The following XIRP2 variants were observed in gnomAD, a reference collection of about 807,000 sequenced individuals.
The protein encoded by XIRP2 is xin actin-binding repeat-containing protein 2.
Under a neutral mutation model 277.0 loss-of-function variants are expected in XIRP2, and 236 were observed. The ratio of observed to expected loss-of-function variants is 0.85; its 90% CI spans 0.77 to 0.95. XIRP2 has a LOEUF of 0.95. Ranked by LOEUF, XIRP2 falls within the 40% of genes least tolerant of loss-of-function variation. XIRP2 has a pLI of 0.00. For synonymous variants in XIRP2, 1,490 were observed against 1,416.5 expected, an observed-to-expected ratio of 1.05 and a Z score of -1.17; for missense variants, 4,640 against 4,157.5, an observed-to-expected ratio of 1.12 and a Z score of -3.19.
chr2:167,064,962 A>G (rs766206893), intron 2 of XIRP2, among the ~76,000 whole-genome samples: 2 of 151,922 alleles, frequency 1.3e-5, no homozygotes, highest in Non-Finnish European at 2.9e-5. Flanking sequence ...TGCTATGAAT[A>G]TGGCTGTACA....
intron 2 of XIRP2, among the ~76,000 whole-genome samples, chr2:166,998,013 G>C (rs190468199): frequency 6.6e-6 from 1 of 151,850 alleles, no homozygotes; most frequent in African/African-American, 2.4e-5. Context: ...TTAAGAAGTA[G>C]AGAGAGATAT....
Position 167,244,396 on chromosome 2 carries a change from AAG to A in XIRP2, c.3006_3007del (p.Lys1002AsnfsTer11). The stretch of plus-strand genomic sequence containing the variant: ...TCCCCTTGGAAAATATCATCAAGTA[AAG>A]ACAGTCCAGCAAGAAGAAATCGTAA... Reference protein sequence around the residue: ...QDPLGKYHQVKTVQQEEIVRG... With the variant: ...QDPLGKYHQVXTVQQEEIVRG... On this transcript the variant is annotated frameshift_variant, in exon 9 of 11. Transcript: ENST00000409195. LOFTEE classifies it high-confidence loss of function. 1 of 1,613,678 alleles carries A rather than the reference AAG, an allele frequency of 6.2e-7. No homozygotes were observed.
Position 167,258,729 on chromosome 2 carries a change from T to C in XIRP2, c.*912T>C, listed in dbSNP as rs750116369. On this transcript the variant is annotated 3_prime_UTR_variant, in exon 11 of 11. Coordinates refer to ENST00000409195, the MANE Select transcript of XIRP2 (RefSeq NM_152381.6). The stretch of plus-strand genomic sequence containing the variant: ...AATTGCAGGCAGAAGACATCTATTT[T>C]AGAATTTCTTGATCTATTACCCTTG... 22 of 1,613,286 alleles carry C rather than the reference T, an allele frequency of 1.4e-5. No individual in the cohort carries two copies. Among genetic ancestry groups the C allele is most frequent in the Non-Finnish European group, 3.4e-6 (4 of 1,179,658 alleles).
intron 2 of XIRP2, among the ~76,000 whole-genome samples, chr2:167,032,151 A>G (rs904105566): frequency 6.6e-6 from 1 of 152,170 alleles, no homozygotes; most frequent in Admixed American, 6.5e-5. Flanking sequence ...ATGACACCAC[A>G]CATCTACAAC....
chr2:167,029,679 T>C (rs1321166084), intron 2 of XIRP2, among the ~76,000 whole-genome samples: 1 of 152,116 alleles, frequency 6.6e-6, no homozygotes, highest in Admixed American at 6.6e-5. Flanking sequence ...TTTGTTGTTG[T>C]GTCTCTACCA....
rs191834676 is a variant in XIRP2, at chr2:167,007,762, A to C, written c.408+103872A>C. ...ACATTAATGAAGCTTGGCAGAGAAAATATTGAATTATCTTTTCAGAATCTA... is the reference window on the plus strand; with the variant it reads ...ACATTAATGAAGCTTGGCAGAGAAACTATTGAATTATCTTTTCAGAATCTA... On this transcript the variant is annotated intron_variant, in intron 2 of 10. Coordinates refer to ENST00000409195, the MANE Select transcript of XIRP2 (RefSeq NM_152381.6). Among the ~76,000 whole-genome samples the C allele has an allele frequency of 5.7e-3, 869 of 151,172 alleles. 3 individuals are homozygous for C. The highest frequency in any genetic ancestry group is 0.02 in the African/African-American group (810 of 41,278).
At chr2:167,227,919 G>A (rs150536368) in intron 5 of XIRP2, among the ~76,000 whole-genome samples, 6 of 151,764 alleles carry the variant, frequency 4.0e-5, no homozygotes, top group Non-Finnish European at 8.8e-5. Flanking sequence ...ATTTTCATAG[G>A]GTGATGCAAC....
rs550626641 is a variant in XIRP2 at position 167,257,880 on chromosome 2, A to G, written c.*63A>G. 1 of 1,599,472 alleles carries G rather than the reference A, an allele frequency of 6.3e-7. No individual in the cohort carries two copies. Among genetic ancestry groups the G allele is most frequent in the Non-Finnish European group, 8.5e-7 (1 of 1,175,232 alleles). ...AGTTTGGGAAATTATGCATCACTTC[A>G]TGGACAAATATACTGTAAACCTCAC... is the stretch of plus-strand genomic sequence containing the variant. On this transcript the variant is annotated 3_prime_UTR_variant, in exon 11 of 11. Transcript: ENST00000409195.
At position 167,002,590 on chromosome 2, in the gene XIRP2, G is replaced by A. The variant is rs76967204; in HGVS notation, c.408+98700G>A. ...CAAGTTTTCTTCTCCATTTCTAAAA[G>A]AGAATTATCTTTCCTTCTTTTGAAC... On this transcript the variant is annotated intron_variant, in intron 2 of 10. Coordinates refer to ENST00000409195, the MANE Select transcript of XIRP2 (RefSeq NM_152381.6). Among the ~76,000 whole-genome samples the A allele has an allele frequency of 7.6e-3, 1,158 of 152,006 alleles. 18 individuals are homozygous for A. The highest frequency in any genetic ancestry group is 0.027 in the African/African-American group (1,103 of 41,512).
At chr2:166,980,171 T>G (rs1433658327) in intron 2 of XIRP2, among the ~76,000 whole-genome samples, 1 of 152,160 alleles carries the variant, frequency 6.6e-6, no homozygotes, top group Non-Finnish European at 1.5e-5. Context: ...TATACATAGC[T>G]TCTTTTTCAA....
At chr2:167,033,027 A>T (rs1688409817) in intron 2 of XIRP2, among the ~76,000 whole-genome samples, 1 of 152,182 alleles carries the variant, frequency 6.6e-6, no homozygotes, top group South Asian at 2.1e-4. Flanking sequence ...TACTGTAGCA[A>T]AGACCTGGAA....
intron 2 of XIRP2, among the ~76,000 whole-genome samples, chr2:167,099,600 C>A (rs150938020): frequency 1.3e-5 from 2 of 151,938 alleles, no homozygotes; most frequent in African/African-American, 4.8e-5. Flanking sequence ...CAAACAGCTG[C>A]CCAATTTTGT....
rs574065678 is a variant in XIRP2 at position 166,966,453 on chromosome 2, T to C, written c.408+62563T>C. On this transcript the variant is annotated intron_variant, in intron 2 of 10. Coordinates refer to ENST00000409195, the MANE Select transcript of XIRP2 (RefSeq NM_152381.6). ...TCGTTTATGTTTATATATATTTGTT[T>C]TATATGTTTTAGTATACATATTTGT... Among the ~76,000 whole-genome samples the C allele has an allele frequency of 7.9e-5, 12 of 152,026 alleles. No homozygotes were observed. In the East Asian group the frequency reaches 1.9e-3, roughly 25 times the overall value.
At chr2:167,164,329 C>T (rs946470603) in intron 3 of XIRP2, among the ~76,000 whole-genome samples, 2 of 151,550 alleles carry the variant, frequency 1.3e-5, no homozygotes, top group Non-Finnish European at 2.9e-5. Context: ...GCCTGTAGTC[C>T]CAGCTACTCG....
intron 2 of XIRP2, among the ~76,000 whole-genome samples, chr2:167,068,673 A>T (rs1333328319): frequency 2.0e-5 from 3 of 151,826 alleles, no homozygotes; most frequent in Non-Finnish European, 4.4e-5. Context: ...AGTATTGTAT[A>T]AAAGCAGGTC....
chr2:166,894,647 A>G (rs1343174170), intron 1 of XIRP2, among the ~76,000 whole-genome samples: 1 of 152,144 alleles, frequency 6.6e-6, no homozygotes, highest in Non-Finnish European at 1.5e-5. Context: ...GTGAAAACCT[A>G]CTTTTTTCAG....
Position 167,249,703 on chromosome 2 carries a change from T to G in XIRP2, c.8311T>G (p.Tyr2771Asp). The G allele has an allele frequency of 6.2e-7, 1 of 1,613,440 alleles. No individual in the cohort carries two copies. Among genetic ancestry groups the G allele is most frequent in the African/African-American group, 1.3e-5 (1 of 74,962 alleles). Residue 2771 changes from tyrosine (Y) to aspartate (D), a missense_variant, in exon 9 of 11, where the codon TAT (tyrosine) becomes GAT (aspartate). Physicochemically the swap from Tyr to Asp is radical, Grantham distance 160. Transcript: ENST00000409195. Reference sequence around the variant, plus strand: ...TAAGCAATCTCTGGCTGAAAGACATTATCAGTTACCTAAGAAGGAGAAAAG... The same window carrying G: ...TAAGCAATCTCTGGCTGAAAGACATGATCAGTTACCTAAGAAGGAGAAAAG... ...SHKQSLAERH[Y>D]QLPKKEKRVT...
intron 2 of XIRP2, among the ~76,000 whole-genome samples, chr2:166,938,916 C>A (rs886522561): frequency 2.0e-4 from 31 of 152,000 alleles, no homozygotes; most frequent in Non-Finnish European, 4.3e-4. Flanking sequence ...GATTGCAACC[C>A]CTGCCTTTTT....
chr2:167,084,110 A>T (rs886685989), intron 2 of XIRP2, among the ~76,000 whole-genome samples: 1 of 152,088 alleles, frequency 6.6e-6, no homozygotes, highest in South Asian at 2.1e-4. Context: ...TTTGAAATAC[A>T]TCCCATCAAT....
Sources: allele counts gnomAD v4.1 joint callset (sites outside exome capture counted in the v4.1 genomes callset), GRCh38; gene constraint gnomAD v4.1.1; transcripts MANE v1.5; gene names NCBI Gene and HGNC (gene_info 2026-07-23, HGNC 2026-07-21).